FLT3: variants seen among roughly 807,000 people sequenced by gnomAD.
FLT3 encodes fms related receptor tyrosine kinase 3, also known as receptor-type tyrosine-protein kinase FLT3.
In FLT3, 46 loss-of-function variants were observed where a neutral mutation model predicts 126.6. The observed-to-expected ratio is 0.36, with a 90% CI of 0.29 to 0.46. FLT3 has a LOEUF of 0.46. FLT3 is among the 20% of genes least tolerant of loss of function. The pLI is 1.00. For missense variants in FLT3, 1,069 were observed against 1,190.3 expected (o/e 0.90, Z 1.50); for synonymous variants, 404 against 434.4 (o/e 0.93, Z 0.87).
chr13:28,034,726 G>GGGAGGATCACTT (rs1873675613), intron 12 of FLT3, among the ~76,000 whole-genome samples: 1 of 152,160 alleles, frequency 6.6e-6, no homozygotes. Flanking sequence ...AGGCCAAGAT[G>GGGAGGATCACTT]GGAGGATCAC....
intron 1 of FLT3, among the ~76,000 whole-genome samples, chr13:28,071,112 A>G (rs1373226793): frequency 6.9e-6 from 1 of 145,468 alleles, no homozygotes; most frequent in East Asian, 2.0e-4. Flanking sequence ...CTCCTGTCTC[A>G]GCCTCCCGAG....
chr13:28,057,393 C>T lies in FLT3; in HGVS notation c.438G>A (p.Gln146=). The T allele has an allele frequency of 6.3e-7, 1 of 1,583,024 alleles. No homozygotes were observed. Among genetic ancestry groups the T allele is most frequent in the Non-Finnish European group, 8.7e-7 (1 of 1,151,714 alleles). The change falls in exon 4 of 24, where the codon CAG becomes CAA. Residue 146 remains glutamine, a synonymous_variant. Coordinates refer to ENST00000241453, the MANE Select transcript of FLT3 (RefSeq NM_004119.3). ...ATATTGTGTAATTGGTAGCTTCACT[C>T]TGAATAAAAAGTAGGTATTCTCCAG... ...TQAGEYLLFI[Q]SEATNYTILF... is the part of the protein sequence containing the mutation.
chr13:28,023,331 T>G lies in FLT3; in HGVS notation c.2418+19A>C. On this transcript the variant is annotated intron_variant, in intron 19 of 23. Coordinates refer to ENST00000241453, the MANE Select transcript of FLT3 (RefSeq NM_004119.3). ...TCAAATCTTTTTTTTGGTTTGTTTT[T>G]TCTTTAAAAGGAGCATACCGACTTA... The G allele has an allele frequency of 6.3e-7, 1 of 1,590,986 alleles. No homozygotes were observed. Among genetic ancestry groups the G allele is most frequent in the Non-Finnish European group, 8.5e-7 (1 of 1,173,132 alleles).
At chr13:28,064,508 G>A (rs1386935989) in intron 2 of FLT3, among the ~76,000 whole-genome samples, 1 of 151,844 alleles carries the variant, frequency 6.6e-6, no homozygotes, top group Non-Finnish European at 1.5e-5. Flanking sequence ...GGAGGCGGAG[G>A]CTGCAGTAAG....
chr13:28,090,318 G>A (rs1399564937), intron 1 of FLT3, among the ~76,000 whole-genome samples: 1 of 150,990 alleles, frequency 6.6e-6, no homozygotes, highest in East Asian at 1.9e-4. Context: ...TTACAGGTTC[G>A]AGCCACTGTG....
chr13:28,048,336 T>C lies in FLT3; in HGVS notation c.1144A>G (p.Thr382Ala), dbSNP rs1468619884. The C allele has an allele frequency of 1.2e-6, 2 of 1,613,886 alleles. No homozygotes were observed. Among genetic ancestry groups the C allele is most frequent in the African/African-American group, 1.3e-5 (1 of 74,938 alleles). ...AATGATTTTCGAGAGAAGGTCCACG[T>C]ACATCTGATTTGTGGGTAGGCTTTA... ...RFKAYPQIRC[T>A]WTFSRKSFPC... is the part of the protein sequence containing the mutation. The change falls in exon 9 of 24, where the codon ACG becomes GCG. Residue 382 changes from threonine to alanine, a missense_variant. By Grantham distance (58) the Thr-to-Ala change is moderately conservative. Transcript: ENST00000241453.
rs556296500 is a variant in FLT3, at chr13:28,087,495, CT to C, written c.43+12972del. 8.5e-5 allele frequency among the ~76,000 whole-genome samples: 13 copies of C among 152,200 alleles called. No individual in the cohort carries two copies. In the East Asian group the frequency reaches 2.5e-3, roughly 29 times the overall value. The stretch of plus-strand genomic sequence containing the variant: ...TTTAACCAATTTGATGATAATTAGC[CT>C]TTTGTAGTTGTCATAAGTCATGTGT... On this transcript the variant is annotated intron_variant, in intron 1 of 23. Transcript: ENST00000241453.
chr13:28,083,983 C>G (rs1878492380), intron 1 of FLT3, among the ~76,000 whole-genome samples: 1 of 150,902 alleles, frequency 6.6e-6, no homozygotes, highest in Non-Finnish European at 1.5e-5. Context: ...GATTTTTCAC[C>G]CTGATGATTA....
intron 1 of FLT3, among the ~76,000 whole-genome samples, chr13:28,098,314 CAAAA>C (rs55675449): frequency 0.19 from 15,901 of 85,136 alleles, 1,313 homozygotes; most frequent in African/African-American, 0.35. Context: ...GACTCCGTCT[CAAAA>C]AAAAAAAAAA....
Position 28,049,623 on chromosome 13 carries a change from T to G in FLT3, c.882+12A>C. On this transcript the variant is annotated intron_variant, in intron 7 of 23. Coordinates refer to ENST00000241453, the MANE Select transcript of FLT3 (RefSeq NM_004119.3). The stretch of plus-strand genomic sequence containing the variant: ...GTTCCTGCATTTTCAGAATACAAAC[T>G]TGTCCTATTACCTCCTCGAGTGCTT... The G allele has an allele frequency of 1.9e-6, 3 of 1,613,992 alleles. No homozygotes were observed. Among genetic ancestry groups the G allele is most frequent in the Non-Finnish European group, 2.5e-6 (3 of 1,179,918 alleles).
At chr13:28,085,375 A>G (rs1358298025) in intron 1 of FLT3, among the ~76,000 whole-genome samples, 2 of 151,558 alleles carry the variant, frequency 1.3e-5, no homozygotes, top group African/African-American at 4.8e-5. Flanking sequence ...AAAAGAAAAG[A>G]AAAAAGAGGT....
At chr13:28,097,708 A>G (rs976399417) in intron 1 of FLT3, among the ~76,000 whole-genome samples, 61 of 152,158 alleles carry the variant, frequency 4.0e-4, no homozygotes, top group African/African-American at 1.4e-3. Flanking sequence ...AATCCAAACC[A>G]AGCTTTGCTG....
intron 1 of FLT3, among the ~76,000 whole-genome samples, chr13:28,076,980 A>AGGG (rs1877970163): frequency 7.4e-6 from 1 of 134,296 alleles, no homozygotes; most frequent in Non-Finnish European, 1.5e-5. Flanking sequence ...GGGAGGGAGG[A>AGGG]AGGGAGGGAA....
chr13:28,045,900 G>A (rs1243062109), intron 9 of FLT3, among the ~76,000 whole-genome samples: 3 of 136,958 alleles, frequency 2.2e-5, no homozygotes, highest in Middle Eastern at 4.0e-3. Context: ...AGCTTACGAT[G>A]ACTGTGGGTT....
chr13:28,084,245 A>G (rs772962866), intron 1 of FLT3, among the ~76,000 whole-genome samples: 12 of 151,996 alleles, frequency 7.9e-5, no homozygotes, highest in South Asian at 2.1e-4. Flanking sequence ...TTGCCACCTC[A>G]GCCTCCAAAA....
At chr13:28,096,720 T>G (rs113414265) in intron 1 of FLT3, among the ~76,000 whole-genome samples, 2,067 of 152,238 alleles carry the variant, frequency 0.014, 44 homozygotes, top group African/African-American at 0.047. Context: ...GCATGAGCCA[T>G]CGCACCCAGC....
intron 17 of FLT3, among the ~76,000 whole-genome samples, chr13:28,026,699 C>A (rs1213314078): frequency 2.6e-5 from 4 of 152,206 alleles, no homozygotes; most frequent in Non-Finnish European, 5.9e-5. Flanking sequence ...TTCTTTTGCG[C>A]AATAGTCCCA....
chr13:28,071,465 T>G (rs1001276633), intron 1 of FLT3, among the ~76,000 whole-genome samples: 1 of 152,146 alleles, frequency 6.6e-6, no homozygotes, highest in Non-Finnish European at 1.5e-5. Context: ...TTCATATCCC[T>G]CTGTTTGGCA....
Position 28,063,794 on chromosome 13 carries a change from T to C in FLT3, c.166-1725A>G, listed in dbSNP as rs1876779798. 2.0e-5 allele frequency among the ~76,000 whole-genome samples: 3 copies of C among 150,200 alleles called. No individual in the cohort carries two copies. The South Asian group carries it at 6.3e-4, about 31-fold the overall frequency. On this transcript the variant is annotated intron_variant, in intron 2 of 23. Coordinates refer to ENST00000241453, the MANE Select transcript of FLT3 (RefSeq NM_004119.3). ...AGAGTTTGAGTCTCCTAGGAATAAATAAGTAAAACACAGGAGAAATACAAG... is the reference window on the plus strand; with the variant it reads ...AGAGTTTGAGTCTCCTAGGAATAAACAAGTAAAACACAGGAGAAATACAAG...
Sources: allele counts gnomAD v4.1 joint callset (sites outside exome capture counted in the v4.1 genomes callset), GRCh38; gene constraint gnomAD v4.1.1; transcripts MANE v1.5; gene names NCBI Gene and HGNC (gene_info 2026-07-23, HGNC 2026-07-21).